NCAM1: variants seen among roughly 807,000 people sequenced by gnomAD.
The protein encoded by NCAM1 is antigen recognized by monoclonal antibody 5.1H11.
NCAM1 carries 14 observed loss-of-function variants against 109.8 expected under a neutral mutation model. That is an observed-to-expected ratio of 0.13 (90% CI 0.08 to 0.20). NCAM1 has a LOEUF of 0.20. Ranked by LOEUF, NCAM1 falls within the 10% of genes least tolerant of loss-of-function variation. The pLI is 1.00. For synonymous variants in NCAM1, 418 were observed against 442.9 expected (o/e 0.94, Z 0.70); for missense variants, 774 against 1,109.9 (o/e 0.70, Z 4.30).
intron 1 of NCAM1, among the ~76,000 whole-genome samples, chr11:113,076,670 CA>C (rs1474745854): frequency 3.3e-5 from 5 of 152,024 alleles, no homozygotes; most frequent in African/African-American, 9.7e-5. Flanking sequence ...CCTCTAAATG[CA>C]AAATAAAGTA....
chr11:113,019,365 C>G (rs528324316), intron 1 of NCAM1, among the ~76,000 whole-genome samples: 1 of 152,156 alleles, frequency 6.6e-6, no homozygotes, highest in Non-Finnish European at 1.5e-5. Flanking sequence ...AATAGCCTTC[C>G]GAGGAGCTCG....
At chr11:113,086,256 C>T (rs183719234) in intron 1 of NCAM1, among the ~76,000 whole-genome samples, 42 of 152,276 alleles carry the variant, frequency 2.8e-4, no homozygotes, top group African/African-American at 9.9e-4. Flanking sequence ...GGCTCCTGGC[C>T]CCAGGGAGTC....
chr11:113,270,103 C>A, intron 17 of NCAM1, 85 bp from the exon 18 acceptor site: 1 of 1,360,886 alleles, frequency 7.3e-7, no homozygotes, highest in Non-Finnish European at 1.0e-6. Flanking sequence ...CTGGGCCCTC[C>A]CCACCCGCAG....
intron 1 of NCAM1, among the ~76,000 whole-genome samples, chr11:113,040,399 T>C (rs946055322): frequency 2.0e-5 from 3 of 152,254 alleles, no homozygotes; most frequent in East Asian, 3.9e-4. Flanking sequence ...TCATTACCCT[T>C]AAAAAGGGGA....
intron 14 of NCAM1, among the ~76,000 whole-genome samples, chr11:113,239,592 G>A (rs546170909): frequency 2.6e-4 from 36 of 136,584 alleles, no homozygotes; most frequent in Admixed American, 2.0e-3. Flanking sequence ...TGCAAGCTCC[G>A]CCTCCCGGGT....
chr11:113,076,472 G>A (rs1490347304), intron 1 of NCAM1, among the ~76,000 whole-genome samples: 1 of 152,078 alleles, frequency 6.6e-6, no homozygotes, highest in Non-Finnish European at 1.5e-5. Context: ...AAGAAGTAGA[G>A]GAAATGATAT....
chr11:113,216,378 T>C (rs1944532020), intron 8 of NCAM1, among the ~76,000 whole-genome samples: 1 of 152,022 alleles, frequency 6.6e-6, no homozygotes, highest in South Asian at 2.1e-4. Context: ...GGTCTCGATC[T>C]CCTGACCTCG....
At chr11:113,002,383 T>G (rs1555072611) in intron 1 of NCAM1, among the ~76,000 whole-genome samples, 2 of 152,218 alleles carry the variant, frequency 1.3e-5, no homozygotes. Flanking sequence ...TAATTGAATC[T>G]TATCAATGTT....
intron 1 of NCAM1, among the ~76,000 whole-genome samples, chr11:113,176,978 G>T (rs1943170023): frequency 6.6e-6 from 1 of 152,158 alleles, no homozygotes; most frequent in African/African-American, 2.4e-5. Context: ...GGGTTTACCA[G>T]GAATTATAAA....
At chr11:113,023,188 G>A (rs1339519529) in intron 1 of NCAM1, among the ~76,000 whole-genome samples, 2 of 152,208 alleles carry the variant, frequency 1.3e-5, no homozygotes, top group East Asian at 1.9e-4. Flanking sequence ...CATCATAAGT[G>A]TGGGTTATCT....
chr11:113,277,945 G>A lies in NCAM1; in HGVS notation c.*2558G>A, dbSNP rs1293588751. On this transcript the variant is annotated 3_prime_UTR_variant, in exon 20 of 20. Transcript: ENST00000316851. ...AGATGTTTTATCTTTTATGTTAAGA[G>A]ATCAAAGCTTATAATTTTCTTTTTT... The A allele has an allele frequency of 6.8e-6, 1 of 146,388 alleles. No individual in the cohort carries two copies. Among genetic ancestry groups the A allele is most frequent in the Non-Finnish European group, 1.5e-5 (1 of 67,114 alleles). 9.1% of individuals were successfully genotyped at this position (146,388 alleles called of 1,614,324 possible).
chr11:113,235,237 T>C (rs1945130402), intron 14 of NCAM1, 73 bp downstream of exon 14: 1 of 1,611,560 alleles, frequency 6.2e-7, no homozygotes, highest in African/African-American at 1.3e-5. Context: ...AACCCTGAGC[T>C]GGCCCATGTC....
chr11:113,266,610 C>T, intron 17 of NCAM1, among the ~76,000 whole-genome samples: 1 of 152,154 alleles, frequency 6.6e-6, no homozygotes, highest in Non-Finnish European at 1.5e-5. Context: ...CTCCTGTTTC[C>T]TGAGCCTCAT....
At chr11:113,092,343 T>C (rs1555089508) in intron 1 of NCAM1, among the ~76,000 whole-genome samples, 1 of 152,192 alleles carries the variant, frequency 6.6e-6, no homozygotes, top group Non-Finnish European at 1.5e-5. Context: ...ACCACAATGC[T>C]ATGCTCCCTC....
intron 9 of NCAM1, among the ~76,000 whole-genome samples, chr11:113,226,696 C>T (rs1309013143): frequency 1.9e-4 from 29 of 152,204 alleles, no homozygotes; most frequent in Admixed American, 1.9e-3. Context: ...CACTCCTCAG[C>T]AAATGTAAAA....
rs572624276 is a variant in NCAM1, at chr11:113,206,237, A to G, written c.628+57A>G. ...ATTGCTACAACCTTGGTTCTCCAAAATCATTCTCTTTAACTTCCTCTTGGG... is the reference window on the plus strand; with the variant it reads ...ATTGCTACAACCTTGGTTCTCCAAAGTCATTCTCTTTAACTTCCTCTTGGG... On this transcript the variant is annotated intron_variant, in intron 5 of 19. Coordinates refer to ENST00000316851, the MANE Select transcript of NCAM1 (RefSeq NM_181351.5). 4 of 1,521,702 alleles carry G rather than the reference A, an allele frequency of 2.6e-6. No individual in the cohort carries two copies. The African/African-American group carries it at 5.6e-5, about 21-fold the overall frequency. 94.3% of individuals were successfully genotyped at this position (1,521,702 alleles called of 1,614,324 possible). A position where few individuals can be genotyped will look rare whatever the true frequency, so the allele number is the denominator to read the frequency against.
intron 1 of NCAM1, among the ~76,000 whole-genome samples, chr11:113,194,125 G>C (rs1244147006): frequency 6.6e-6 from 1 of 152,178 alleles, no homozygotes; most frequent in East Asian, 1.9e-4. Flanking sequence ...ATTATGCTAA[G>C]AAATAGAGCC....
chr11:113,243,562 A>G (rs782409111), intron 14 of NCAM1: 6 of 518,790 alleles, frequency 1.2e-5, no homozygotes, highest in Non-Finnish European at 2.3e-5. Context: ...AAAACATTGC[A>G]CAGAATCACT....
At chr11:113,084,997 A>C (rs1939013151) in intron 1 of NCAM1, among the ~76,000 whole-genome samples, 1 of 152,210 alleles carries the variant, frequency 6.6e-6, no homozygotes, top group African/African-American at 2.4e-5. Context: ...GTGTCTGTAC[A>C]ATAACTTGAA....
Sources: gnomAD v4.1 joint callset for allele counts (sites outside exome capture counted in the v4.1 genomes callset) on GRCh38, gnomAD v4.1.1 for gene constraint, MANE v1.5 for transcripts, NCBI Gene and HGNC (gene_info 2026-07-23, HGNC 2026-07-21) for gene names.